Variants in CDH18 observed in about 807,000 individuals in gnomAD.
CDH18 encodes cadherin-18.
A neutral mutation model predicts 67.9 loss-of-function variants in CDH18; 31 were observed. That is an observed-to-expected ratio of 0.46 (90% CI 0.34 to 0.62). The LOEUF is 0.62. Ranked by LOEUF, CDH18 falls within the 20% of genes least tolerant of loss-of-function variation. The pLI is 0.01. For missense variants in CDH18, 890 were observed against 975.5 expected (o/e 0.91, Z 1.17); for synonymous variants, 362 against 347.2 (o/e 1.04, Z -0.48).
intron 2 of CDH18, among the ~76,000 whole-genome samples, chr5:19,896,056 A>C (rs1204389559): frequency 1.3e-5 from 2 of 152,136 alleles, no homozygotes; most frequent in African/African-American, 4.8e-5. Flanking sequence ...TAAATTAAAA[A>C]TTTTAAAATA....
rs562641339 is a variant in CDH18, at chr5:19,864,356, C to T, written c.-256-25114G>A. Among the ~76,000 whole-genome samples the T allele has an allele frequency of 4.6e-5, 6 of 129,548 alleles. No homozygotes were observed. In the East Asian group the frequency reaches 1.2e-3, roughly 25 times the overall value. The allele number at this position is 129,548 out of a possible 152,430, so 85.0% of individuals were successfully genotyped here. A position where few individuals can be genotyped will look rare whatever the true frequency, so the allele number is the denominator to read the frequency against. On this transcript the variant is annotated intron_variant, in intron 2 of 12. Transcript: ENST00000382275. Reference sequence around the variant, plus strand: ...GAACACATGGACACAGGAAGGGGAACATCACACTCTGGGGACTGTTGTGTG... The same window carrying T: ...GAACACATGGACACAGGAAGGGGAATATCACACTCTGGGGACTGTTGTGTG...
intron 6 of CDH18, among the ~76,000 whole-genome samples, chr5:19,594,443 G>A (rs545788595): frequency 1.3e-5 from 2 of 152,104 alleles, no homozygotes; most frequent in South Asian, 2.1e-4. Context: ...GAGCCACTTC[G>A]CCCGGCCTGT....
At chr5:20,214,030 C>A (rs1740565792) in intron 2 of CDH18, among the ~76,000 whole-genome samples, 2 of 151,892 alleles carry the variant, frequency 1.3e-5, no homozygotes, top group Non-Finnish European at 2.9e-5. Context: ...TACTAACATT[C>A]CTATAAACCA....
chr5:20,393,173 T>C (rs1311725882), intron 1 of CDH18, among the ~76,000 whole-genome samples: 2 of 152,070 alleles, frequency 1.3e-5, no homozygotes, highest in Non-Finnish European at 2.9e-5. Flanking sequence ...AGTTTGTGAA[T>C]GTCATAGGAT....
Position 20,320,545 on chromosome 5 carries a change from C to T in CDH18, c.-579-65040G>A, listed in dbSNP as rs1355296936. 3.3e-5 allele frequency among the ~76,000 whole-genome samples: 5 copies of T among 152,158 alleles called. No homozygotes were observed. The South Asian group carries it at 1.0e-3, about 31-fold the overall frequency. ...GAATGTTGTTCTAAGAAATTCTAGTCACTCTCTTTCTAAAATAGCTTCAAT... is the reference window on the plus strand; with the variant it reads ...GAATGTTGTTCTAAGAAATTCTAGTTACTCTCTTTCTAAAATAGCTTCAAT... On this transcript the variant is annotated intron_variant, in intron 1 of 14. Coordinates refer to the CDH18 transcript ENST00000507958.
intron 1 of CDH18, among the ~76,000 whole-genome samples, chr5:20,270,138 A>C (rs1561927283): frequency 6.6e-6 from 1 of 150,686 alleles, no homozygotes; most frequent in Non-Finnish European, 1.5e-5. Context: ...AAATAAAATG[A>C]TGCAGGAGAT....
At chr5:19,495,107 A>G (rs1386130260) in intron 11 of CDH18, among the ~76,000 whole-genome samples, 1 of 152,208 alleles carries the variant, frequency 6.6e-6, no homozygotes, top group East Asian at 1.9e-4. Flanking sequence ...CCTGAGAAAC[A>G]GGGAATATTG....
chr5:19,798,669 T>G (rs1777107240), intron 3 of CDH18, among the ~76,000 whole-genome samples: 1 of 152,100 alleles, frequency 6.6e-6, no homozygotes, highest in African/African-American at 2.4e-5. Context: ...GAAATTATAT[T>G]ACATGTTGAA....
intron 2 of CDH18, among the ~76,000 whole-genome samples, chr5:20,052,047 A>G (rs1580128101): frequency 6.6e-6 from 1 of 151,990 alleles, no homozygotes; most frequent in Admixed American, 6.6e-5. Context: ...GCACACAGTA[A>G]TAATAATTCC....
intron 2 of CDH18, among the ~76,000 whole-genome samples, chr5:20,113,673 C>T (rs1379156371): frequency 6.6e-6 from 1 of 152,078 alleles, no homozygotes; most frequent in Non-Finnish European, 1.5e-5. Context: ...TCAATGAGAA[C>T]GTTTTATGAA....
chr5:19,912,537 A>G (rs114843475), intron 2 of CDH18, among the ~76,000 whole-genome samples: 1,688 of 152,280 alleles, frequency 0.011, 16 homozygotes, highest in Non-Finnish European at 0.018. Context: ...TAGTTTGTCT[A>G]TTTTAAGCTT....
intron 2 of CDH18, among the ~76,000 whole-genome samples, chr5:20,180,027 C>A (rs1206879769): frequency 3.3e-5 from 5 of 152,100 alleles, no homozygotes; most frequent in African/African-American, 1.2e-4. Context: ...ATTGTAAATA[C>A]AAAATTGAAT....
chr5:19,994,244 CAT>C (rs1561694897), intron 2 of CDH18, among the ~76,000 whole-genome samples: 1 of 137,514 alleles, frequency 7.3e-6, no homozygotes, highest in Non-Finnish European at 1.5e-5. Context: ...TATACACACA[CAT>C]ATACACATAT....
chr5:19,660,016 T>C (rs542579489), intron 5 of CDH18, among the ~76,000 whole-genome samples: 53 of 152,250 alleles, frequency 3.5e-4, no homozygotes, highest in African/African-American at 1.2e-3. Flanking sequence ...CAAGCTAAAA[T>C]GTTTCAATTT....
chr5:20,280,876 C>A (rs1010973781), intron 1 of CDH18, among the ~76,000 whole-genome samples: 5 of 152,180 alleles, frequency 3.3e-5, no homozygotes. Flanking sequence ...CCTGTTGTTT[C>A]CTGACTTTTA....
intron 2 of CDH18, among the ~76,000 whole-genome samples, chr5:19,947,585 CAAAAAAAAAAAAA>C (rs35601486): frequency 0.023 from 1,222 of 53,406 alleles, 30 homozygotes; most frequent in Middle Eastern, 0.096. Context: ...TACTAAAATA[CAAAAAAAAAAAAA>C]AAAAAAAAAA....
intron 2 of CDH18, among the ~76,000 whole-genome samples, chr5:19,903,382 C>T (rs1317904062): frequency 6.6e-6 from 1 of 151,186 alleles, no homozygotes; most frequent in African/African-American, 2.4e-5. Context: ...GTGTTCTTTC[C>T]TCCCTCCCTC....
chr5:20,290,643 C>G (rs745860858), intron 1 of CDH18, among the ~76,000 whole-genome samples: 3 of 152,062 alleles, frequency 2.0e-5, no homozygotes, highest in Non-Finnish European at 2.9e-5. Context: ...TCTGGTTGTA[C>G]GATATGATCC....
chr5:20,142,772 T>C (rs1210993203), intron 2 of CDH18, among the ~76,000 whole-genome samples: 4 of 152,014 alleles, frequency 2.6e-5, no homozygotes, highest in Non-Finnish European at 5.9e-5. Context: ...TTTGGGTAAA[T>C]GTGGAACAGA....
Sources: allele counts gnomAD v4.1 joint callset (sites outside exome capture counted in the v4.1 genomes callset), GRCh38; gene constraint gnomAD v4.1.1; transcripts MANE v1.5; gene names NCBI Gene and HGNC (gene_info 2026-07-23, HGNC 2026-07-21).